FGFR2: variants seen among roughly 807,000 people sequenced by gnomAD.
The protein encoded by FGFR2 is BEK fibroblast growth factor receptor.
FGFR2 carries 19 observed loss-of-function variants against 95.9 expected under a neutral mutation model. The observed-to-expected ratio is 0.20, with a 90% CI of 0.14 to 0.29. The LOEUF is 0.29. Among genes scored for constraint, FGFR2 ranks in the 10% least tolerant of loss-of-function variants. The pLI is 1.00. For synonymous variants in FGFR2, 392 were observed against 393.3 expected (o/e 1.00, Z 0.04); for missense variants, 707 against 1,056.9 (o/e 0.67, Z 4.59).
Position 121,598,044 on chromosome 10 carries a change from T to C in FGFR2, c.-233A>G. The C allele has an allele frequency of 2.5e-6, 1 of 397,564 alleles. No homozygotes were observed. The highest frequency in any genetic ancestry group is 4.4e-6 in the Non-Finnish European group (1 of 225,456). 24.6% of individuals were successfully genotyped at this position (397,564 alleles called of 1,614,324 possible). On this transcript the variant is annotated 5_prime_UTR_variant, in exon 1 of 18. Transcript: ENST00000358487. Reference sequence around the variant, plus strand: ...GATGGAGAAAGCGACGAGCCCGGGGTTGCGGGGAGCAACTCCAAACGCAGA... The same window carrying C: ...GATGGAGAAAGCGACGAGCCCGGGGCTGCGGGGAGCAACTCCAAACGCAGA...
chr10:121,514,693 T>TA (rs1388443385), intron 9 of FGFR2, among the ~76,000 whole-genome samples: 6 of 152,180 alleles, frequency 3.9e-5, no homozygotes, highest in Non-Finnish European at 5.9e-5. Context: ...TCAGAGAACT[T>TA]AGAGTCTCTT....
intron 6 of FGFR2, 168 bp downstream of exon 6, chr10:121,538,424 T>C: frequency 9.5e-7 from 1 of 1,050,576 alleles, no homozygotes; most frequent in African/African-American, 1.6e-5. Context: ...GAAAACAGAA[T>C]ATTGTCAGAT....
intron 2 of FGFR2, among the ~76,000 whole-genome samples, chr10:121,576,903 G>A (rs1350594728): frequency 6.6e-6 from 1 of 151,568 alleles, no homozygotes; most frequent in Non-Finnish European, 1.5e-5. Flanking sequence ...GGGAAGCTGA[G>A]GCAGGTGGAT....
chr10:121,552,626 A>C (rs1855563052), intron 4 of FGFR2, among the ~76,000 whole-genome samples: 1 of 152,226 alleles, frequency 6.6e-6, no homozygotes, highest in African/African-American at 2.4e-5. Flanking sequence ...TGGAATCCGT[A>C]CCTTCCACCA....
chr10:121,570,682 GCT>G (rs1858520768), intron 2 of FGFR2, among the ~76,000 whole-genome samples: 1 of 152,210 alleles, frequency 6.6e-6, no homozygotes, highest in African/African-American at 2.4e-5. Context: ...ATGCACAAAT[GCT>G]CTTTCAGAGG....
chr10:121,531,573 C>T lies in FGFR2; in HGVS notation c.748+7019G>A, dbSNP rs1852083239. On this transcript the variant is annotated intron_variant, in intron 6 of 17. Transcript: ENST00000358487. This position sits in a 1 kb window ranked among gnomAD's most constrained non-coding sequence, Gnocchi z 4.5. ...GAAGTATGGGACCAACGCACAATAA[C>T]GACTAACAGTTGCATGGTACTATTA... 2.0e-5 allele frequency among the ~76,000 whole-genome samples: 3 copies of T among 152,222 alleles called. No homozygotes were observed. The highest frequency in any genetic ancestry group is 4.8e-5 in the African/African-American group (2 of 41,528).
At chr10:121,580,568 C>T (rs929083804) in intron 2 of FGFR2, among the ~76,000 whole-genome samples, 8 of 152,276 alleles carry the variant, frequency 5.3e-5, no homozygotes, top group Middle Eastern at 6.8e-3. Context: ...AAAGGTTCCC[C>T]ACACTGCCTT....
At chr10:121,587,104 A>C (rs1233848435) in intron 2 of FGFR2, among the ~76,000 whole-genome samples, 1 of 152,192 alleles carries the variant, frequency 6.6e-6, no homozygotes, top group Non-Finnish European at 1.5e-5. Context: ...CACCTACCGC[A>C]CACCTACGAC....
In FGFR2 at chr10:121,479,941, A is replaced by G; in HGVS notation, c.2382T>C (p.Asp794=). 6.2e-7 allele frequency: 1 copy of G among 1,614,202 alleles called. No homozygotes were observed. ...PDTRSSCSSG[D]DSVFSPDPMP... ...TGGGGTCTGGAGAAAAAACAGAATC[A>G]TCTCCTGAAGAACAAGAACTTCTTG... The change falls in exon 18 of 18, where the codon GAT becomes GAC. Residue 794 remains aspartate (D), a synonymous_variant. Transcript: ENST00000358487.
chr10:121,565,321 A>G (rs909513787), intron 3 of FGFR2, 117 bp downstream of exon 3: 2 of 1,340,482 alleles, frequency 1.5e-6, no homozygotes, highest in African/African-American at 1.4e-5. Context: ...TTCAAAAACT[A>G]TGAAGCTGTA....
At chr10:121,588,695 T>TAGAGGATCACTTGAG (rs1554865296) in intron 2 of FGFR2, among the ~76,000 whole-genome samples, 1 of 151,930 alleles carries the variant, frequency 6.6e-6, no homozygotes, top group African/African-American at 2.4e-5. Context: ...AGGCCAAGGC[T>TAGAGGATCACTTGAG]GCCAGGAGTT....
intron 1 of FGFR2, among the ~76,000 whole-genome samples, chr10:121,597,318 A>G (rs1479481657): frequency 6.6e-6 from 1 of 152,240 alleles, no homozygotes. Context: ...GCGGCAGAGC[A>G]GGCAGGCGAA....
intron 4 of FGFR2, among the ~76,000 whole-genome samples, chr10:121,563,450 G>A (rs1443902149): frequency 6.6e-6 from 1 of 152,162 alleles, no homozygotes; most frequent in Non-Finnish European, 1.5e-5. Context: ...GTACCAAATT[G>A]ACTAAAATCC....
At chr10:121,481,789 C>T (rs1589699732) in intron 17 of FGFR2, 1 of 208,394 alleles carries the variant, frequency 4.8e-6, no homozygotes, top group South Asian at 1.8e-4. Context: ...GACATGAGAT[C>T]ATTAAAATAG....
intron 6 of FGFR2, chr10:121,526,318 C>T (rs1564930313): frequency 2.5e-6 from 1 of 397,354 alleles, no homozygotes; most frequent in Non-Finnish European, 4.4e-6. Context: ...TGCATAAAAA[C>T]GCACTAAACC....
intron 4 of FGFR2, among the ~76,000 whole-genome samples, chr10:121,560,171 A>C (rs889403283): frequency 1.3e-4 from 20 of 152,016 alleles, no homozygotes; most frequent in Admixed American, 1.3e-3. Context: ...GCTAAGCCAC[A>C]ATTTTCCATT....
chr10:121,590,096 T>C (rs948310163), intron 2 of FGFR2, among the ~76,000 whole-genome samples: 14 of 152,020 alleles, frequency 9.2e-5, no homozygotes, highest in African/African-American at 2.4e-4. Flanking sequence ...CCAACTCACG[T>C]TGGTCCAGGA....
At chr10:121,593,197 T>TA (rs1009326458) in intron 2 of FGFR2, among the ~76,000 whole-genome samples, 4 of 151,760 alleles carry the variant, frequency 2.6e-5, no homozygotes, top group Admixed American at 6.6e-5. Flanking sequence ...TTACAATGGC[T>TA]AAAAAAAAAT....
At chr10:121,519,785 C>T (rs966384435) in intron 7 of FGFR2, among the ~76,000 whole-genome samples, 194 bp downstream of exon 7, 3 of 152,200 alleles carry the variant, frequency 2.0e-5, no homozygotes, top group South Asian at 2.1e-4. Flanking sequence ...GTAGTTCTTC[C>T]CCTACTCCAT....
Sources: allele counts gnomAD v4.1 joint callset (sites outside exome capture counted in the v4.1 genomes callset), GRCh38; gene constraint gnomAD v4.1.1; non-coding constraint Gnocchi (gnomAD v3.1); transcripts MANE v1.5; gene names NCBI Gene and HGNC (gene_info 2026-07-23, HGNC 2026-07-21).